Variants in SLC25A32 observed in about 807,000 individuals in gnomAD.
SLC25A32 encodes solute carrier family 25 member 32, also known as Glycine auxotroph B, complementation of hamster.
Under a neutral mutation model 39.0 loss-of-function variants are expected in SLC25A32, and 32 were observed. That is an observed-to-expected ratio of 0.82 (90% confidence interval 0.62 to 1.10). The LOEUF is 1.10. SLC25A32 is among the 50% of genes least tolerant of loss of function. SLC25A32 has a pLI of 0.00. For missense variants in SLC25A32, 367 were observed against 395.3 expected (o/e 0.93, Z 0.61); for synonymous variants, 166 against 152.4 (o/e 1.09, Z -0.66).
intron 1 of SLC25A32, chr8:103,414,567 T>C (rs1816545453): frequency 1.6e-6 from 1 of 626,070 alleles, no homozygotes; most frequent in Non-Finnish European, 2.7e-6. Flanking sequence ...CAGACTTCTC[T>C]ACATACATGC....
At chr8:103,410,269 C>T (rs1317430924) in intron 1 of SLC25A32, among the ~76,000 whole-genome samples, 2 of 152,104 alleles carry the variant, frequency 1.3e-5, no homozygotes, top group Non-Finnish European at 2.9e-5. Context: ...TCAGGGGTCC[C>T]CAACTCCGGG....
chr8:103,407,406 A>C (rs574062297), intron 2 of SLC25A32, among the ~76,000 whole-genome samples: 1 of 152,296 alleles, frequency 6.6e-6, no homozygotes, highest in South Asian at 2.1e-4. Context: ...CTCTGATAAT[A>C]GCTAATAAGC....
At chr8:103,409,702 G>C (rs536438246) in intron 1 of SLC25A32, among the ~76,000 whole-genome samples, 6 of 152,124 alleles carry the variant, frequency 3.9e-5, no homozygotes, top group Non-Finnish European at 8.8e-5. Flanking sequence ...GGCAAAGAAG[G>C]ATCACTATTT....
intron 6 of SLC25A32, 38 bp from the exon 7 acceptor site, chr8:103,400,584 A>G (rs1164491144): frequency 3.1e-6 from 5 of 1,605,798 alleles, no homozygotes; most frequent in Non-Finnish European, 4.2e-6. Context: ...AATTTTGTAT[A>G]GAGCTAGCTT....
chr8:103,404,542 C>A (rs1019217467), intron 3 of SLC25A32, among the ~76,000 whole-genome samples: 1 of 151,892 alleles, frequency 6.6e-6, no homozygotes, highest in Admixed American at 6.6e-5. Context: ...TTGCAGTGAG[C>A]CGAGATAGCG....
chr8:103,403,409 TAAAAAAAAA>T, intron 3 of SLC25A32, 85 bp from the exon 4 acceptor site: 2 of 249,174 alleles, frequency 8.0e-6, no homozygotes, highest in Admixed American at 6.8e-5. Context: ...TACATTTATG[TAAAAAAAAA>T]AAAAAAAAAA....
rs6989553 is a variant in SLC25A32 at position 103,408,267 on chromosome 8, G to A, written c.155-483C>T. On this transcript the variant is annotated intron_variant, in intron 1 of 6. Transcript: ENST00000297578. ...CTTCCAAAGTGCTGGGATTACAGGT[G>A]TGAGCCACTATGCCCAGCCCAGGCT... Among the ~76,000 whole-genome samples the A allele has an allele frequency of 5.6e-3, 853 of 152,048 alleles. 1 individual carries two copies. Among genetic ancestry groups the A allele is most frequent in the African/African-American group, 0.019 (797 of 41,446 alleles).
chr8:103,413,108 C>CT (rs549960663), intron 1 of SLC25A32, among the ~76,000 whole-genome samples: 63 of 152,308 alleles, frequency 4.1e-4, no homozygotes, highest in African/African-American at 1.5e-3. Flanking sequence ...CCCCACTAGT[C>CT]TCCTAATACT....
chr8:103,405,376 ATGAC>A (rs2056392399), intron 2 of SLC25A32, among the ~76,000 whole-genome samples: 1 of 152,212 alleles, frequency 6.6e-6, no homozygotes. Flanking sequence ...TTCAGGAATT[ATGAC>A]TGAGATCACA....
At chr8:103,402,942 C>A (rs1816248788) in intron 4 of SLC25A32, among the ~76,000 whole-genome samples, 1 of 152,138 alleles carries the variant, frequency 6.6e-6, no homozygotes, top group Non-Finnish European at 1.5e-5. Flanking sequence ...AGACAGATCT[C>A]ATGCCCACCA....
intron 2 of SLC25A32, among the ~76,000 whole-genome samples, chr8:103,406,065 G>A (rs552346045): frequency 1.1e-3 from 156 of 144,234 alleles, no homozygotes; most frequent in African/African-American, 3.2e-3. Context: ...GTGTGTGTGT[G>A]TATATATATA....
rs576184535 is a variant in SLC25A32, at chr8:103,400,098, C to T, written c.*313G>A. 3.4e-5 allele frequency: 11 copies of T among 320,908 alleles called. No individual in the cohort carries two copies. The East Asian group carries it at 3.9e-4, about 11-fold the overall frequency. The allele number at this position is 320,908 out of a possible 1,614,324, so 19.9% of individuals were successfully genotyped here. ...CAAAAAGAAGTACATTCATCTAATC[C>T]ATTTAGCAAATGTTGCAAATCAGCT... is the stretch of plus-strand genomic sequence containing the variant. On this transcript the variant is annotated 3_prime_UTR_variant, in exon 7 of 7. Coordinates refer to ENST00000297578, the MANE Select transcript of SLC25A32 (RefSeq NM_030780.5).
At chr8:103,400,698 A>T (rs1045640746) in intron 6 of SLC25A32, 152 bp from the exon 7 acceptor site, 14 of 791,656 alleles carry the variant, frequency 1.8e-5, no homozygotes, top group Non-Finnish European at 2.6e-5. Flanking sequence ...AATGTAGTTT[A>T]TAAGCCATCT....
At chr8:103,407,508 G>T in intron 2 of SLC25A32, 126 bp downstream of exon 2, 1 of 758,332 alleles carries the variant, frequency 1.3e-6, no homozygotes, top group Non-Finnish European at 2.0e-6. Context: ...TGTTCTTCCT[G>T]ATCCTTCCAA....
intron 2 of SLC25A32, 60 bp downstream of exon 2, chr8:103,407,574 T>C: frequency 2.3e-6 from 3 of 1,332,022 alleles, no homozygotes; most frequent in Non-Finnish European, 3.0e-6. Flanking sequence ...CATGTAAAAA[T>C]CACCGAAAAC....
At chr8:103,408,856 C>G (rs1345830438) in intron 1 of SLC25A32, among the ~76,000 whole-genome samples, 2 of 152,218 alleles carry the variant, frequency 1.3e-5, no homozygotes, top group Non-Finnish European at 2.9e-5. Flanking sequence ...ACAAATTTCT[C>G]TTGCACCTGT....
chr8:103,400,175 TA>T lies in SLC25A32; in HGVS notation c.*235del. The T allele has an allele frequency of 1.9e-6, 1 of 515,748 alleles. No homozygotes were observed. The highest frequency in any genetic ancestry group is 1.9e-5 in the African/African-American group (1 of 51,702). 31.9% of individuals were successfully genotyped at this position (515,748 alleles called of 1,614,324 possible). ...GAAACTCTATCCTTCGTGTCAGTTT[TA>T]ACATTGTGTTGATGGCAGCCATTTC... On this transcript the variant is annotated 3_prime_UTR_variant, in exon 7 of 7. Coordinates refer to ENST00000297578, the MANE Select transcript of SLC25A32 (RefSeq NM_030780.5).
At chr8:103,405,737 T>G (rs1816316287) in intron 2 of SLC25A32, among the ~76,000 whole-genome samples, 1 of 152,060 alleles carries the variant, frequency 6.6e-6, no homozygotes, top group African/African-American at 2.4e-5. Context: ...CATAGCTCAC[T>G]GTAACCTTGA....
In SLC25A32 at chr8:103,404,813, T is replaced by TA; in HGVS notation, c.353dup (p.Leu118PhefsTer12). 1 of 1,613,554 alleles carries TA rather than the reference T, an allele frequency of 6.2e-7. No homozygotes were observed. The highest frequency in any genetic ancestry group is 8.5e-7 in the Non-Finnish European group (1 of 1,179,564). ...CTGAGACAAGGTATTCTGTTGCCTC[T>TA]AAACGTTCAGCTCTTCCTTCTGTTT... On this transcript the variant is annotated frameshift_variant, in exon 3 of 7. Transcript: ENST00000297578. LOFTEE classifies it high-confidence loss of function.
Sources: allele counts gnomAD v4.1 joint callset (sites outside exome capture counted in the v4.1 genomes callset), GRCh38; gene constraint gnomAD v4.1.1; transcripts MANE v1.5; gene names NCBI Gene and HGNC (gene_info 2026-07-23, HGNC 2026-07-21).